The following AMBP variants were observed in gnomAD, a reference collection of about 807,000 sequenced individuals.
The protein encoded by AMBP is protein AMBP.
A neutral mutation model predicts 46.3 loss-of-function variants in AMBP; 37 were observed. The observed-to-expected ratio is 0.80, with a 90% CI of 0.61 to 1.05. The LOEUF (loss-of-function observed/expected upper bound fraction) is 1.05. AMBP is among the 50% of genes least tolerant of loss of function. The probability of loss-of-function intolerance (pLI) is 0.00; values close to 1 mark genes in which losing one functional copy is unlikely to be tolerated. For missense variants in AMBP, 475 were observed against 461.2 expected (o/e 1.03, Z -0.27); for synonymous variants, 174 against 175.9 (o/e 0.99, Z 0.09).
Position 114,078,280 on chromosome 9 carries a change from G to C in AMBP, c.-71C>G, listed in dbSNP as rs1846836731. On this transcript the variant is annotated 5_prime_UTR_variant, in exon 1 of 10. Coordinates refer to ENST00000265132, the MANE Select transcript of AMBP (RefSeq NM_001633.4). ...GCAACAGAAGGGCCACCGCCTCCCT[G>C]CAACAGGGCAGCTGTGAACTGAGGC... 7.0e-7 allele frequency: 1 copy of C among 1,427,984 alleles called. No homozygotes were observed. Among genetic ancestry groups the C allele is most frequent in the East Asian group, 2.3e-5 (1 of 43,654 alleles). The allele number at this position is 1,427,984 out of a possible 1,614,324, so 88.5% of individuals were successfully genotyped here.
chr9:114,074,536 T>C (rs1328760077), intron 3 of AMBP, among the ~76,000 whole-genome samples: 1 of 152,236 alleles, frequency 6.6e-6, no homozygotes, highest in Non-Finnish European at 1.5e-5. Flanking sequence ...CAAACATTCA[T>C]ATATTCAGCC....
At chr9:114,061,182 C>T in intron 8 of AMBP, 84 bp from the exon 9 acceptor site, 11 of 1,514,584 alleles carry the variant, frequency 7.3e-6, no homozygotes, top group East Asian at 2.3e-5. Flanking sequence ...GCCAGAGGGC[C>T]CTGCTCATCT....
At chr9:114,064,592 T>C (rs1846674676) in intron 6 of AMBP, among the ~76,000 whole-genome samples, 1 of 152,102 alleles carries the variant, frequency 6.6e-6, no homozygotes, top group Admixed American at 6.6e-5. Flanking sequence ...ACAGATTTAG[T>C]TGACATCTGG....
At chr9:114,069,530 C>G (rs1000042054) in intron 6 of AMBP, among the ~76,000 whole-genome samples, 169 bp downstream of exon 6, 7 of 152,038 alleles carry the variant, frequency 4.6e-5, no homozygotes, top group Non-Finnish European at 8.8e-5. Context: ...GTGGCAGAAT[C>G]AAGATGGAGC....
intron 2 of AMBP, among the ~76,000 whole-genome samples, chr9:114,075,989 G>C (rs935794490): frequency 5.3e-5 from 8 of 152,148 alleles, no homozygotes; most frequent in African/African-American, 1.9e-4. Context: ...AGGAGTTCTG[G>C]GTGCTGGGAG....
chr9:114,075,332 C>G (rs1036139401), intron 2 of AMBP, among the ~76,000 whole-genome samples: 1 of 152,226 alleles, frequency 6.6e-6, no homozygotes, highest in Non-Finnish European at 1.5e-5. Context: ...CAAATCTACA[C>G]ATTATACTGA....
chr9:114,074,330 A>G (rs773941099), intron 3 of AMBP, among the ~76,000 whole-genome samples, 178 bp from the exon 4 acceptor site: 1 of 151,934 alleles, frequency 6.6e-6, no homozygotes, highest in Non-Finnish European at 1.5e-5. Context: ...CCACCCATCT[A>G]TCTCCTCCAT....
rs868270438 is a variant in AMBP at position 114,062,579 on chromosome 9, A to G, written c.685+98T>C. ...TCCAGCCCTTGAGTCTCTAACAGATAAAGAGACTGCACTGATAAGAGTAGC... is the reference window on the plus strand; with the variant it reads ...TCCAGCCCTTGAGTCTCTAACAGATGAAGAGACTGCACTGATAAGAGTAGC... On this transcript the variant is annotated intron_variant, in intron 7 of 9. Transcript: ENST00000265132. 3.3e-6 allele frequency: 4 copies of G among 1,211,834 alleles called. No individual in the cohort carries two copies. The African/African-American group carries it at 4.5e-5, about 14-fold the overall frequency. The allele number at this position is 1,211,834 out of a possible 1,614,324, so 75.1% of individuals were successfully genotyped here.
intron 2 of AMBP, 68 bp from the exon 3 acceptor site, chr9:114,075,104 C>G: frequency 7.8e-7 from 1 of 1,277,402 alleles, no homozygotes; most frequent in East Asian, 2.3e-5. Context: ...CTCAACCCTC[C>G]TGCAGGGCTC....
chr9:114,060,279 A>G lies in AMBP; in HGVS notation c.1028-9T>C. ...CAGCAGCTCCTCATCACCTGTGGAC[A>G]CAGAGAGACTCAGGGAGGGGTCCGT... On this transcript the variant is annotated splice_polypyrimidine_tract_variant and intron_variant, in intron 9 of 9. Transcript: ENST00000265132. 1 of 1,612,962 alleles carries G rather than the reference A, an allele frequency of 6.2e-7. No homozygotes were observed. Among genetic ancestry groups the G allele is most frequent in the Non-Finnish European group, 8.5e-7 (1 of 1,179,556 alleles).
At chr9:114,070,850 A>T (rs1448856302) in intron 5 of AMBP, among the ~76,000 whole-genome samples, 1 of 151,618 alleles carries the variant, frequency 6.6e-6, no homozygotes, top group Non-Finnish European at 1.5e-5. Context: ...GTGACTGTCA[A>T]GCCTGATACT....
At chr9:114,061,139 TGACTGCTGATCAGACATACATGA>T in intron 8 of AMBP, 41 bp from the exon 9 acceptor site, 1 of 1,604,194 alleles carries the variant, frequency 6.2e-7, no homozygotes, top group Non-Finnish European at 8.5e-7. Context: ...GAAACCCTTG[TGACTGCTGATCAGACATACATGA>T]GACTGCTGAG....
intron 6 of AMBP, 80 bp downstream of exon 6, chr9:114,069,619 A>G (rs1846723598): frequency 1.5e-6 from 2 of 1,305,818 alleles, no homozygotes. Context: ...CTCCCCCCGC[A>G]GCAGGATCAA....
At position 114,072,477 on chromosome 9, in the gene AMBP, A is replaced by G. The variant is rs367802741; in HGVS notation, c.556+448T>C. On this transcript the variant is annotated intron_variant, in intron 5 of 9. Coordinates refer to ENST00000265132, the MANE Select transcript of AMBP (RefSeq NM_001633.4). Reference sequence around the variant, plus strand: ...GAGGTGTGGGATCCAGGCCAGTAGCATGAGCCAAGCACGGTCTACCAGGCC... The same window carrying G: ...GAGGTGTGGGATCCAGGCCAGTAGCGTGAGCCAAGCACGGTCTACCAGGCC... Among the ~76,000 whole-genome samples the G allele has an allele frequency of 3.2e-4, 48 of 152,310 alleles. No individual in the cohort carries two copies. The East Asian group carries it at 7.3e-3, about 23-fold the overall frequency.
chr9:114,064,473 C>A (rs1335426473), intron 6 of AMBP, among the ~76,000 whole-genome samples: 2 of 152,074 alleles, frequency 1.3e-5, no homozygotes, highest in Admixed American at 1.3e-4. Context: ...GGGGAAAAAT[C>A]TGAAAGGATG....
At chr9:114,073,053 C>T (rs534554271) in intron 4 of AMBP, 27 bp from the exon 5 acceptor site, 24 of 1,598,042 alleles carry the variant, frequency 1.5e-5, no homozygotes, top group Non-Finnish European at 2.0e-5. Context: ...GAGGAGACGC[C>T]TAGAACCACC....
rs1319452047 is a variant in AMBP at position 114,060,165 on chromosome 9, G to A, written c.*74C>T. ...CAATTTAGTTTTTATTTGGACCCAG[G>A]TTGCTTGGCGCTGCCTGCCACAGGA... On this transcript the variant is annotated 3_prime_UTR_variant, in exon 10 of 10. Transcript: ENST00000265132. 22 of 1,504,562 alleles carry A rather than the reference G, an allele frequency of 1.5e-5. No homozygotes were observed. Among genetic ancestry groups the A allele is most frequent in the Non-Finnish European group, 1.8e-5 (20 of 1,103,410 alleles). The allele number at this position is 1,504,562 out of a possible 1,614,324, so 93.2% of individuals were successfully genotyped here. A position where few individuals can be genotyped will look rare whatever the true frequency, so the allele number is the denominator to read the frequency against.
At chr9:114,067,461 G>A (rs993756949) in intron 6 of AMBP, among the ~76,000 whole-genome samples, 1 of 151,950 alleles carries the variant, frequency 6.6e-6, no homozygotes. Context: ...TCACTATGTG[G>A]CCCAGACTGG....
Position 114,073,136 on chromosome 9 carries a change from T to C in AMBP, c.455-110A>G, listed in dbSNP as rs1277681131. Reference sequence around the variant, plus strand: ...CACTTAGGGAAAATTTGAAAACTATTGATGCAGTTTAATCTATTTGATACA... The same window carrying C: ...CACTTAGGGAAAATTTGAAAACTATCGATGCAGTTTAATCTATTTGATACA... On this transcript the variant is annotated intron_variant, in intron 4 of 9. Coordinates refer to ENST00000265132, the MANE Select transcript of AMBP (RefSeq NM_001633.4). The C allele has an allele frequency of 4.4e-6, 4 of 913,896 alleles. No homozygotes were observed. In the African/African-American group the frequency reaches 6.7e-5, roughly 15 times the overall value. 56.6% of individuals were successfully genotyped at this position (913,896 alleles called of 1,614,324 possible).
Sources: gnomAD v4.1 joint callset for allele counts (sites outside exome capture counted in the v4.1 genomes callset) on GRCh38, gnomAD v4.1.1 for gene constraint, MANE v1.5 for transcripts, NCBI Gene and HGNC (gene_info 2026-07-23, HGNC 2026-07-21) for gene names.